NPC2: variants seen among roughly 807,000 people sequenced by gnomAD.
The protein encoded by NPC2 is NPC intracellular cholesterol transporter 2.
NPC2 carries 14 observed loss-of-function variants against 17.0 expected under a neutral mutation model. The ratio of observed to expected loss-of-function variants is 0.82; its 90% CI spans 0.54 to 1.29. NPC2 has a LOEUF of 1.29. Among genes scored for constraint, NPC2 ranks in the 50% most tolerant of loss-of-function variants. NPC2 has a pLI of 0.00. For missense variants in NPC2, 167 were observed against 183.4 expected (o/e 0.91, Z 0.52); for synonymous variants, 75 against 69.3 (o/e 1.08, Z -0.41).
chr14:74,486,270 C>T, intron 2 of NPC2, 59 bp downstream of exon 2: 1 of 1,396,194 alleles, frequency 7.2e-7, no homozygotes, highest in South Asian at 1.2e-5. Flanking sequence ...CTTATTCCAA[C>T]ACTTGATATT....
chr14:74,486,481 T>C, intron 1 of NPC2, 45 bp from the exon 2 acceptor site: 1 of 1,501,714 alleles, frequency 6.7e-7, no homozygotes, highest in Non-Finnish European at 9.1e-7. Context: ...GGAGGAGAAA[T>C]AAGCCAGCTA....
At chr14:74,487,263 G>GTTTTTTTTTTTTTTTT (rs1208707592) in intron 1 of NPC2, among the ~76,000 whole-genome samples, 5 of 134,992 alleles carry the variant, frequency 3.7e-5, no homozygotes, top group African/African-American at 8.6e-5. Context: ...TTGTTTTTGT[G>GTTTTTTTTTTTTTTTT]GTTTTTTTTT....
intron 1 of NPC2, among the ~76,000 whole-genome samples, chr14:74,490,450 T>C (rs7148018): frequency 0.65 from 98,420 of 152,142 alleles, 32,331 homozygotes; most frequent in African/African-American, 0.73. Flanking sequence ...AACCCATTTT[T>C]GGTGAATAGG....
chr14:74,480,852 G>A, intron 3 of NPC2, 73 bp from the exon 4 acceptor site: 1 of 1,268,720 alleles, frequency 7.9e-7, no homozygotes, highest in Middle Eastern at 1.9e-4. Flanking sequence ...GTTTAACTAT[G>A]AATCCTAGAT....
At chr14:74,487,623 G>A (rs889997918) in intron 1 of NPC2, among the ~76,000 whole-genome samples, 7 of 152,158 alleles carry the variant, frequency 4.6e-5, no homozygotes, top group African/African-American at 9.7e-5. Flanking sequence ...CTGAAACTCC[G>A]CGGAGGAAGA....
intron 1 of NPC2, among the ~76,000 whole-genome samples, chr14:74,491,768 C>A (rs2086776126): frequency 6.6e-6 from 1 of 152,228 alleles, no homozygotes; most frequent in African/African-American, 2.4e-5. Context: ...AACCTCTAAA[C>A]TGTCTTTGTT....
chr14:74,481,322 T>A (rs1422182153), intron 3 of NPC2, among the ~76,000 whole-genome samples: 1 of 152,252 alleles, frequency 6.6e-6, no homozygotes, highest in African/African-American at 2.4e-5. Flanking sequence ...GGCTCCCCTT[T>A]GCCTTCTGTC....
chr14:74,493,078 G>T lies in NPC2; in HGVS notation c.82+115C>A. The T allele has an allele frequency of 7.4e-7, 1 of 1,359,822 alleles. No homozygotes were observed. The highest frequency in any genetic ancestry group is 1.0e-6 in the Non-Finnish European group (1 of 990,334). 84.2% of individuals were successfully genotyped at this position (1,359,822 alleles called of 1,614,324 possible). A position where few individuals can be genotyped will look rare whatever the true frequency, so the allele number is the denominator to read the frequency against. On this transcript the variant is annotated intron_variant, in intron 1 of 4. Coordinates refer to ENST00000555619, the MANE Select transcript of NPC2 (RefSeq NM_006432.5). This position sits in a 1 kb window ranked among gnomAD's most constrained non-coding sequence, Gnocchi z 4.1. ...CCATTCCAGTTAGGTAGGGTCCAAG[G>T]CTCAGCCTGGCCGCCCGAGGGATCC...
intron 1 of NPC2, among the ~76,000 whole-genome samples, chr14:74,489,961 T>C (rs1376459614): frequency 6.6e-6 from 1 of 152,268 alleles, no homozygotes; most frequent in East Asian, 1.9e-4. Context: ...TATTATCATA[T>C]CTGGATTTAG....
intron 3 of NPC2, chr14:74,483,150 A>C: frequency 1.2e-6 from 1 of 864,992 alleles, no homozygotes; most frequent in Non-Finnish European, 1.9e-6. Context: ...CTGCAGGCAC[A>C]GGGCAATTTA....
chr14:74,487,274 G>GTTTT (rs59427038), intron 1 of NPC2, among the ~76,000 whole-genome samples: 47 of 132,080 alleles, frequency 3.6e-4, no homozygotes, highest in African/African-American at 8.0e-4. Flanking sequence ...GTTTTTTTTT[G>GTTTT]TTTTTTTTTT....
chr14:74,480,161 A>G lies in NPC2; in HGVS notation c.*113T>C. ...CTACAGAGCACCTCCTCTTCAACGA[A>G]TCACTGGATACCATTGGAGAGCAAG... On this transcript the variant is annotated 3_prime_UTR_variant, in exon 5 of 5. Coordinates refer to ENST00000555619, the MANE Select transcript of NPC2 (RefSeq NM_006432.5). 1.2e-6 allele frequency: 2 copies of G among 1,609,398 alleles called. No individual in the cohort carries two copies. Among genetic ancestry groups the G allele is most frequent in the Non-Finnish European group, 1.7e-6 (2 of 1,178,266 alleles).
Position 74,479,940 on chromosome 14 carries a change from T to G in NPC2, c.*334A>C. The stretch of plus-strand genomic sequence containing the variant: ...GAGCAGGAGAAGACCACAGCCCACA[T>G]GCAGAAGACAAGACAAACGAGTTTT... On this transcript the variant is annotated 3_prime_UTR_variant, in exon 5 of 5. Coordinates refer to ENST00000555619, the MANE Select transcript of NPC2 (RefSeq NM_006432.5). 7.9e-7 allele frequency: 1 copy of G among 1,259,430 alleles called. No individual in the cohort carries two copies. Among genetic ancestry groups the G allele is most frequent in the Non-Finnish European group, 1.0e-6 (1 of 988,404 alleles). 78.0% of individuals were successfully genotyped at this position (1,259,430 alleles called of 1,614,324 possible). A position where few individuals can be genotyped will look rare whatever the true frequency, so the allele number is the denominator to read the frequency against.
chr14:74,482,642 A>G (rs2086666840), intron 3 of NPC2, among the ~76,000 whole-genome samples: 2 of 152,204 alleles, frequency 1.3e-5, no homozygotes, highest in Admixed American at 6.5e-5. Context: ...TACCTGGCTA[A>G]AATCTTTTAA....
chr14:74,484,308 A>G, intron 3 of NPC2, 107 bp downstream of exon 3: 1 of 1,195,448 alleles, frequency 8.4e-7, no homozygotes, highest in Non-Finnish European at 1.2e-6. Context: ...CTTCTTCATC[A>G]TAGAGATAAG....
At position 74,486,387 on chromosome 14, in the gene NPC2, G is replaced by T; in HGVS notation, c.132C>A (p.Thr44=). The T allele has an allele frequency of 6.2e-7, 1 of 1,605,864 alleles. No homozygotes were observed. Among genetic ancestry groups the T allele is most frequent in the Non-Finnish European group, 8.5e-7 (1 of 1,176,118 alleles). ...IKEVNVSPCP[T]QPCQLSKGQS... ...GTCCTTTGCTCAGCTGGCAGGGTTGGGTGGGGCATGGGCTCACATTCACTT... is the reference window on the plus strand; with the variant it reads ...GTCCTTTGCTCAGCTGGCAGGGTTGTGTGGGGCATGGGCTCACATTCACTT... The change falls in exon 2 of 5, where the codon ACC becomes ACA. Residue 44 remains threonine, a synonymous_variant. Coordinates refer to ENST00000555619, the MANE Select transcript of NPC2 (RefSeq NM_006432.5).
intron 1 of NPC2, 93 bp from the exon 2 acceptor site, chr14:74,486,529 C>T: frequency 1.1e-6 from 1 of 950,484 alleles, no homozygotes; most frequent in East Asian, 2.6e-5. Flanking sequence ...CTCTGCTCTC[C>T]CATTTAGGGT....
chr14:74,484,666 C>T, intron 2 of NPC2, 79 bp from the exon 3 acceptor site: 1 of 1,466,656 alleles, frequency 6.8e-7, no homozygotes, highest in Non-Finnish European at 9.4e-7. Flanking sequence ...AGAAATAATC[C>T]CAAGCAACAG....
intron 2 of NPC2, 115 bp from the exon 3 acceptor site, chr14:74,484,702 T>A (rs1459752377): frequency 9.9e-7 from 1 of 1,014,578 alleles, no homozygotes; most frequent in Non-Finnish European, 1.5e-6. Context: ...TTTCTCTTGA[T>A]AGTGGTGCTT....
Sources: gnomAD v4.1 joint callset for allele counts (sites outside exome capture counted in the v4.1 genomes callset) on GRCh38, gnomAD v4.1.1 for gene constraint, Gnocchi (gnomAD v3.1) non-coding constraint, MANE v1.5 for transcripts, NCBI Gene and HGNC (gene_info 2026-07-23, HGNC 2026-07-21) for gene names.